STARD9: variants seen among roughly 807,000 people sequenced by gnomAD.
STARD9 encodes stAR-related lipid transfer protein 9.
In STARD9, 346 loss-of-function variants were observed where a neutral mutation model predicts 399.8. The observed-to-expected ratio is 0.87, with a 90% CI of 0.79 to 0.95. STARD9 has a LOEUF of 0.95. Ranked by LOEUF, STARD9 falls within the 40% of genes least tolerant of loss-of-function variation. The pLI is 0.00. For synonymous variants in STARD9, 2,203 were observed against 2,143.5 expected (o/e 1.03, Z -0.77); for missense variants, 5,832 against 5,667.5 (o/e 1.03, Z -0.93).
rs1454976860 is a variant in STARD9 at position 42,645,674 on chromosome 15, A to G, written c.560-5342A>G. Among the ~76,000 whole-genome samples the G allele has an allele frequency of 2.7e-5, 4 of 150,114 alleles. 1 individual carries two copies. The East Asian group carries it at 7.9e-4, about 30-fold the overall frequency. ...TCAACTTCCCAGGCTCATGTGATTCATTTTCCCACCCATGCGCTACCATAC... is the reference window on the plus strand; with the variant it reads ...TCAACTTCCCAGGCTCATGTGATTCGTTTTCCCACCCATGCGCTACCATAC... On this transcript the variant is annotated intron_variant, in intron 7 of 32. Transcript: ENST00000290607.
chr15:42,663,079 GA>G (rs1347049507), intron 11 of STARD9, 188 bp downstream of exon 11: 1 of 698,656 alleles, frequency 1.4e-6, no homozygotes, highest in African/African-American at 1.8e-5. Context: ...ATTTCTCAAA[GA>G]GGGGAGTCTA....
At position 42,689,182 on chromosome 15, in the gene STARD9, A is replaced by G; in HGVS notation, c.7604A>G (p.Glu2535Gly). The change falls in exon 23 of 33, where the codon GAG becomes GGG. Residue 2535 changes from glutamate to glycine, a missense_variant. Glu to Gly is a moderately conservative substitution (Grantham distance 98). Coordinates refer to ENST00000290607, the MANE Select transcript of STARD9 (RefSeq NM_020759.3). ...TCCCTGCCGAGGGTGCCCAGTCCAG[A>G]GCCTAGGCTGTTGGAGCCCTCTGAC... ...PVSLPRVPSP[E>G]PRLLEPSDHA... The G allele has an allele frequency of 6.5e-7, 1 of 1,537,246 alleles. No individual in the cohort carries two copies. Among genetic ancestry groups the G allele is most frequent in the East Asian group, 2.4e-5 (1 of 40,912 alleles).
intron 7 of STARD9, among the ~76,000 whole-genome samples, chr15:42,643,042 TA>T (rs2059572236): frequency 6.6e-6 from 1 of 151,778 alleles, no homozygotes; most frequent in African/African-American, 2.4e-5. Flanking sequence ...TTTTTTTTTT[TA>T]ATTCCAATCT....
chr15:42,583,493 A>G (rs139893584), intron 2 of STARD9, 78 bp downstream of exon 2: 15 of 1,057,022 alleles, frequency 1.4e-5, no homozygotes, highest in East Asian at 5.2e-5. Context: ...CTGAAGGTGT[A>G]TATGTGAATG....
chr15:42,581,188 AGTT>A, intron 1 of STARD9: 1 of 771,254 alleles, frequency 1.3e-6, no homozygotes, highest in East Asian at 2.4e-5. Flanking sequence ...TGATTGTTCA[AGTT>A]GTTCAAATTA....
chr15:42,652,413 T>C, intron 8 of STARD9, 107 bp from the exon 9 acceptor site: 2 of 920,276 alleles, frequency 2.2e-6, no homozygotes, highest in East Asian at 2.6e-5. Flanking sequence ...TTTATGATTC[T>C]TGTCGGTGAA....
intron 20 of STARD9, 56 bp downstream of exon 20, chr15:42,676,031 A>G: frequency 1.1e-5 from 5 of 450,216 alleles, no homozygotes; most frequent in South Asian, 7.9e-5. Context: ...TTCTTAGTCC[A>G]TGACAGCATG....
At position 42,720,846 on chromosome 15, in the gene STARD9, C is replaced by T. The variant is rs2061440096; in HGVS notation, c.*1272C>T. 6.6e-6 allele frequency: 1 copy of T among 152,032 alleles called. No individual in the cohort carries two copies. Among genetic ancestry groups the T allele is most frequent in the Non-Finnish European group, 1.5e-5 (1 of 67,998 alleles). The allele number at this position is 152,032 out of a possible 1,614,324, so 9.4% of individuals were successfully genotyped here. ...GTTGATTGAAGGTTTTTTAAAATTG[C>T]TTTTAAACTTCTATTTCTCGGGTAA... On this transcript the variant is annotated 3_prime_UTR_variant, in exon 33 of 33. Coordinates refer to ENST00000290607, the MANE Select transcript of STARD9 (RefSeq NM_020759.3).
chr15:42,706,803 T>C (rs1360183638), intron 26 of STARD9, among the ~76,000 whole-genome samples: 2 of 152,310 alleles, frequency 1.3e-5, no homozygotes, highest in South Asian at 2.1e-4. Context: ...TAAGGAAATA[T>C]CCAACTATTC....
In STARD9 at chr15:42,688,355, A is replaced by G; in HGVS notation, c.6777A>G (p.Glu2259=). 1.3e-6 allele frequency: 2 copies of G among 1,536,846 alleles called. No homozygotes were observed. Among genetic ancestry groups the G allele is most frequent in the Non-Finnish European group, 1.7e-6 (2 of 1,146,978 alleles). ...VKGFQESQVA[E]HVSSSNQEEP... Reference sequence around the variant, plus strand: ...GTTTTCAGGAAAGCCAAGTAGCTGAACACGTAAGTAGTTCCAACCAAGAAG... The same window carrying G: ...GTTTTCAGGAAAGCCAAGTAGCTGAGCACGTAAGTAGTTCCAACCAAGAAG... Residue 2259 remains glutamate, a synonymous_variant, in exon 23 of 33, where the codon GAA becomes GAG. Coordinates refer to ENST00000290607, the MANE Select transcript of STARD9 (RefSeq NM_020759.3).
At position 42,643,535 on chromosome 15, in the gene STARD9, G is replaced by A. The variant is rs187987847; in HGVS notation, c.559+4723G>A. Among the ~76,000 whole-genome samples, 8 of 151,652 alleles carry A rather than the reference G, an allele frequency of 5.3e-5. 1 individual carries two copies. Among genetic ancestry groups the A allele is most frequent in the Admixed American group, 3.3e-4 (5 of 15,218 alleles). On this transcript the variant is annotated intron_variant, in intron 7 of 32. Coordinates refer to ENST00000290607, the MANE Select transcript of STARD9 (RefSeq NM_020759.3). ...AAAAAAAACAGAGTCTCGCTCTGTC[G>A]CCCAGGCTGGAGTGGCACGATCTTG...
At chr15:42,719,351 C>A (rs2061410440) in intron 32 of STARD9, 122 bp from the exon 33 acceptor site, 1 of 665,268 alleles carries the variant, frequency 1.5e-6, no homozygotes, top group African/African-American at 1.8e-5. Flanking sequence ...CTGTAAACAC[C>A]AAACCACAAT....
rs1252649655 is a variant in STARD9 at position 42,689,589 on chromosome 15, C to G, written c.8011C>G (p.Pro2671Ala). ...TGTGCAGGCTTTCTCCCATGCTGCT[C>G]CTGCTCAAGACAGGAAACGTCGTAC... The part of the protein sequence containing the change: ...DPVQAFSHAA[P>A]AQDRKRRTGE... The change falls in exon 23 of 33, where the codon CCT becomes GCT. Residue 2671 changes from proline (P) to alanine (A), a missense_variant. This residue lies in a region of STARD9 where 5,828 missense variants were observed against 5,651.1 expected (regional missense o/e 1.03). Transcript: ENST00000290607. The G allele has an allele frequency of 1.3e-6, 2 of 1,537,234 alleles. No homozygotes were observed. The highest frequency in any genetic ancestry group is 1.2e-5 in the South Asian group (1 of 84,046).
intron 3 of STARD9, among the ~76,000 whole-genome samples, chr15:42,619,572 C>T (rs924823405): frequency 2.0e-5 from 3 of 150,204 alleles, no homozygotes; most frequent in African/African-American, 4.9e-5. Flanking sequence ...AAAAAATTCT[C>T]GTAAGGAACA....
At chr15:42,640,001 C>T (rs1305026046) in intron 7 of STARD9, among the ~76,000 whole-genome samples, 1 of 152,192 alleles carries the variant, frequency 6.6e-6, no homozygotes, top group East Asian at 1.9e-4. Context: ...TAGCTCACTG[C>T]AACCTGAACT....
chr15:42,671,999 G>C (rs927612682), intron 16 of STARD9: 1 of 152,204 alleles, frequency 6.6e-6, no homozygotes. Flanking sequence ...TCCCTTCCTT[G>C]TGCATTTCTG....
intron 26 of STARD9, among the ~76,000 whole-genome samples, chr15:42,716,362 C>T (rs1369495201): frequency 3.3e-5 from 5 of 152,178 alleles, no homozygotes; most frequent in Admixed American, 1.3e-4. Context: ...CTCTCATGCA[C>T]TGATCCCTGG....
intron 9 of STARD9, among the ~76,000 whole-genome samples, chr15:42,654,631 C>G (rs1374111311): frequency 6.6e-6 from 1 of 152,014 alleles, no homozygotes; most frequent in East Asian, 1.9e-4. Flanking sequence ...GTGCTATACA[C>G]CAGCAGCAGA....
intron 3 of STARD9, among the ~76,000 whole-genome samples, chr15:42,619,903 T>G (rs934565816): frequency 6.6e-6 from 1 of 152,232 alleles, no homozygotes; most frequent in African/African-American, 2.4e-5. Flanking sequence ...TAACTTGCCC[T>G]AAGGCTTGAG....
Sources: gnomAD v4.1 joint callset for allele counts (sites outside exome capture counted in the v4.1 genomes callset) on GRCh38, gnomAD v4.1.1 for gene constraint, gnomAD v4.1.1 regional missense constraint, MANE v1.5 for transcripts, NCBI Gene and HGNC (gene_info 2026-07-23, HGNC 2026-07-21) for gene names.